The following AKAP19 variants were observed in gnomAD, a reference collection of about 807,000 sequenced individuals.
AKAP19 encodes the protein small A-kinase anchoring protein.
the AKAP19 span, among the ~76,000 whole-genome samples, chr2:190,170,096 A>T: frequency 6.6e-6 from 1 of 152,186 alleles, no homozygotes; most frequent in Non-Finnish European, 1.5e-5. Flanking sequence ...GGAAGTCGAG[A>T]TCATGGGCGA....
At chr2:189,952,806 T>C in the AKAP19 span, among the ~76,000 whole-genome samples, 5 of 152,216 alleles carry the variant, frequency 3.3e-5, no homozygotes, top group African/African-American at 1.2e-4. Flanking sequence ...TGAGGGTGTT[T>C]CCTTTTTATT....
chr2:190,180,469 C>T, the AKAP19 span: 1 of 985,544 alleles, frequency 1.0e-6, no homozygotes, highest in Non-Finnish European at 1.2e-6. The surrounding 1 kb of genome is among the most constrained non-coding windows in gnomAD (Gnocchi z 6.8). Flanking sequence ...CGAAATGCCT[C>T]GCTGGCTCTT....
chr2:189,898,660 C>T, the AKAP19 span, among the ~76,000 whole-genome samples: 1 of 152,202 alleles, frequency 6.6e-6, no homozygotes, highest in South Asian at 2.1e-4. Context: ...TTAACATCTC[C>T]CTGATTATCT....
the AKAP19 span, among the ~76,000 whole-genome samples, chr2:190,060,978 C>A: frequency 1.3e-5 from 2 of 151,854 alleles, no homozygotes; most frequent in Non-Finnish European, 2.9e-5. Context: ...TTTAAAGGAG[C>A]AAAACTAAGC....
At chr2:190,119,282 G>C in the AKAP19 span, among the ~76,000 whole-genome samples, 5 of 152,214 alleles carry the variant, frequency 3.3e-5, no homozygotes, top group African/African-American at 1.2e-4. Flanking sequence ...AGCGAGGCGG[G>C]CTCCAAAGCT....
the AKAP19 span, among the ~76,000 whole-genome samples, chr2:190,190,170 A>G: frequency 6.6e-6 from 1 of 152,216 alleles, no homozygotes; most frequent in African/African-American, 2.4e-5. Context: ...ATACCAATTA[A>G]GATATAGAAT....
chr2:190,008,365 A>G, the AKAP19 span, among the ~76,000 whole-genome samples: 1 of 152,184 alleles, frequency 6.6e-6, no homozygotes, highest in South Asian at 2.1e-4. Context: ...CTCTTATACC[A>G]TTTAATTTAT....
chr2:189,970,271 T>C, the AKAP19 span, among the ~76,000 whole-genome samples: 2 of 152,214 alleles, frequency 1.3e-5, no homozygotes, highest in Non-Finnish European at 2.9e-5. Context: ...ATATATTCCC[T>C]CACCCAGCTA....
the AKAP19 span, among the ~76,000 whole-genome samples, chr2:190,170,599 G>A: frequency 6.6e-6 from 1 of 152,118 alleles, no homozygotes; most frequent in Non-Finnish European, 1.5e-5. Context: ...CCCCAACCAG[G>A]ACCCAAAGAT....
the AKAP19 span, among the ~76,000 whole-genome samples, chr2:189,992,347 C>T: frequency 3.9e-5 from 6 of 152,240 alleles, no homozygotes; most frequent in South Asian, 2.1e-4. Flanking sequence ...TAAGCCACCA[C>T]TCCTGGCCAC....
the AKAP19 span, among the ~76,000 whole-genome samples, chr2:189,928,843 T>C: frequency 6.6e-6 from 1 of 152,170 alleles, no homozygotes; most frequent in Non-Finnish European, 1.5e-5. Context: ...ATTTCTGATT[T>C]CTTTGTTAGG....
chr2:190,131,941 C>CA, the AKAP19 span, among the ~76,000 whole-genome samples: 4 of 150,382 alleles, frequency 2.7e-5, no homozygotes, highest in African/African-American at 7.3e-5. Context: ...AAGACTCCAC[C>CA]AAAAAAAAAT....
the AKAP19 span, among the ~76,000 whole-genome samples, chr2:190,112,545 A>T: frequency 1.3e-5 from 2 of 152,174 alleles, no homozygotes; most frequent in Non-Finnish European, 2.9e-5. Context: ...ATAGATAACT[A>T]TCAAAGTAAG....
chr2:190,020,675 A>G, the AKAP19 span, among the ~76,000 whole-genome samples: 2 of 152,182 alleles, frequency 1.3e-5, no homozygotes, highest in East Asian at 1.9e-4. Context: ...TTGTGGAACC[A>G]TCACCACCAT....
At chr2:190,059,284 A>C in the AKAP19 span, among the ~76,000 whole-genome samples, 971 of 152,116 alleles carry the variant, frequency 6.4e-3, 3 homozygotes, top group Middle Eastern at 0.01. Context: ...AATTTGTACT[A>C]GGAATTAAAA....
chr2:190,027,638 A>G, the AKAP19 span, among the ~76,000 whole-genome samples: 2 of 152,188 alleles, frequency 1.3e-5, no homozygotes, highest in African/African-American at 2.4e-5. Flanking sequence ...TGTAAGTGCA[A>G]TAAGTATTAA....
chr2:190,003,842 G>A, the AKAP19 span, among the ~76,000 whole-genome samples: 1 of 151,906 alleles, frequency 6.6e-6, no homozygotes. Context: ...ACTCCAGCCT[G>A]GGCGACAGAG....
At chr2:189,950,932 C>T in the AKAP19 span, among the ~76,000 whole-genome samples, 1 of 152,052 alleles carries the variant, frequency 6.6e-6, no homozygotes, top group African/African-American at 2.4e-5. Context: ...AAATCCCTGG[C>T]TAGTGTACTG....
chr2:190,195,470 A>G, the AKAP19 span, among the ~76,000 whole-genome samples: 3 of 152,198 alleles, frequency 2.0e-5, no homozygotes, highest in Non-Finnish European at 4.4e-5. Flanking sequence ...TGCTTTTGCC[A>G]TTATCTCACT....
Sources: allele counts gnomAD v4.1 joint callset (sites outside exome capture counted in the v4.1 genomes callset), GRCh38; gene constraint gnomAD v4.1.1; non-coding constraint Gnocchi (gnomAD v3.1); transcripts MANE v1.5; gene names NCBI Gene and HGNC (gene_info 2026-07-23, HGNC 2026-07-21).